Variants in CFAP74 observed in about 807,000 individuals in gnomAD.
CFAP74 encodes the protein cilia- and flagella-associated protein 74.
In CFAP74, 124 loss-of-function variants were observed where a neutral mutation model predicts 188.9. The observed-to-expected ratio is 0.66, with a 90% confidence interval of 0.57 to 0.76. The LOEUF (loss-of-function observed/expected upper bound fraction) is 0.76. Ranked by LOEUF, CFAP74 falls within the 30% of genes least tolerant of loss-of-function variation. CFAP74 has a pLI of 0.00. For missense variants in CFAP74, 2,198 were observed against 2,165.2 expected (o/e 1.02, Z -0.30); for synonymous variants, 956 against 916.7 (o/e 1.04, Z -0.77).
At chr1:2,001,386 G>A (rs1030345802) in intron 1 of CFAP74, among the ~76,000 whole-genome samples, 4 of 151,546 alleles carry the variant, frequency 2.6e-5, no homozygotes, top group African/African-American at 9.7e-5. Context: ...CTGGAGTGCA[G>A]TGGCGCAGGG....
At chr1:1,961,549 G>A (rs115402077) in intron 14 of CFAP74, among the ~76,000 whole-genome samples, 3 of 152,222 alleles carry the variant, frequency 2.0e-5, no homozygotes, top group East Asian at 1.9e-4. Flanking sequence ...GGAATGCCTC[G>A]GTGGCTGAGA....
chr1:1,927,828 T>C, intron 27 of CFAP74, 82 bp from the exon 28 acceptor site: 2 of 1,445,398 alleles, frequency 1.4e-6, no homozygotes, highest in Non-Finnish European at 1.8e-6. Flanking sequence ...CTGCGGCCAG[T>C]GCGGGAACCG....
chr1:1,985,217 G>A, intron 6 of CFAP74, 169 bp downstream of exon 6: 1 of 567,488 alleles, frequency 1.8e-6, no homozygotes, highest in Non-Finnish European at 3.2e-6. Context: ...AAGGCAACGT[G>A]AAGACTAACC....
chr1:2,000,108 G>A (rs1658134348), intron 1 of CFAP74, among the ~76,000 whole-genome samples: 1 of 152,050 alleles, frequency 6.6e-6, no homozygotes. Context: ...AGGTTGCAGT[G>A]AGCTGAGATC....
intron 25 of CFAP74, among the ~76,000 whole-genome samples, chr1:1,931,503 G>A (rs867292759): frequency 1.1e-4 from 16 of 146,088 alleles, no homozygotes; most frequent in African/African-American, 3.8e-4. Context: ...TTAGGAGTCC[G>A]AGGCGGGCGG....
Position 1,944,363 on chromosome 1 carries a change from C to T in CFAP74, c.2454G>A (p.Arg818=). The change falls in exon 21 of 39, where the codon CGG becomes CGA. Residue 818 remains arginine (R), a synonymous_variant. Coordinates refer to ENST00000682832, the MANE Select transcript of CFAP74 (RefSeq NM_001304360.2). ...SVDLKICMYD[R]LYQDSVLVHT... ...GCACGAGCACAGAGTCCTGGTAGAG[C>T]CGGTCATACATGCAGATCTTCAGGT... 2 of 1,535,976 alleles carry T rather than the reference C, an allele frequency of 1.3e-6. No individual in the cohort carries two copies. Among genetic ancestry groups the T allele is most frequent in the Non-Finnish European group, 1.7e-6 (2 of 1,146,874 alleles).
In CFAP74 at chr1:1,923,753, G is replaced by C. The variant is rs1197943866; in HGVS notation, c.4389+22C>G. ...TGGGGCCAGGGCCGGGCCGGGCTGA[G>C]CTTGCAGAGCCAGAGCCGCACCTTT... On this transcript the variant is annotated intron_variant, in intron 35 of 38. Coordinates refer to ENST00000682832, the MANE Select transcript of CFAP74 (RefSeq NM_001304360.2). The surrounding 1 kb of genome is among the most constrained non-coding windows in gnomAD (Gnocchi z 6.3). The C allele has an allele frequency of 6.2e-7, 1 of 1,613,112 alleles. No homozygotes were observed.
chr1:1,963,667 C>T, intron 14 of CFAP74, 82 bp downstream of exon 14: 1 of 863,652 alleles, frequency 1.2e-6, no homozygotes, highest in Non-Finnish European at 1.9e-6. Context: ...GAGCCTGTTC[C>T]AGCCGTTCTG....
rs1404311228 is a variant in CFAP74, at chr1:1,971,106, TGTGCACACACATGCTCACAC to T, written c.889-310_889-291del. Among the ~76,000 whole-genome samples the T allele has an allele frequency of 5.6e-3, 694 of 123,918 alleles. 22 individuals are homozygous for T. The East Asian group carries it at 0.1, about 18-fold the overall frequency. 81.3% of individuals were successfully genotyped at this position (123,918 alleles called of 152,430 possible). A position where few individuals can be genotyped will look rare whatever the true frequency, so the allele number is the denominator to read the frequency against. On this transcript the variant is annotated intron_variant, in intron 9 of 38. Coordinates refer to ENST00000682832, the MANE Select transcript of CFAP74 (RefSeq NM_001304360.2). ...ACTCATACATGCACACCTGCACACG[TGTGCACACACATGCTCACAC>T]GTGCACACACATGCTCGCACATGCA... is the stretch of plus-strand genomic sequence containing the variant.
chr1:1,971,342 TGCA>T (rs1323684638), intron 9 of CFAP74, among the ~76,000 whole-genome samples: 1 of 143,352 alleles, frequency 7.0e-6, no homozygotes, highest in East Asian at 2.2e-4. Context: ...TGCACACACG[TGCA>T]CACACATGCA....
chr1:1,959,951 C>T lies in CFAP74; in HGVS notation c.1761+13G>A. The T allele has an allele frequency of 6.3e-7, 1 of 1,580,026 alleles. No individual in the cohort carries two copies. The highest frequency in any genetic ancestry group is 1.1e-5 in the South Asian group (1 of 87,848). On this transcript the variant is annotated intron_variant, in intron 15 of 38. Coordinates refer to ENST00000682832, the MANE Select transcript of CFAP74 (RefSeq NM_001304360.2). ...ACCTCCCCTTCGAGAGAGAACGGGCCCCTCTGACTCACCATCGGCTTGAAG... is the reference window on the plus strand; with the variant it reads ...ACCTCCCCTTCGAGAGAGAACGGGCTCCTCTGACTCACCATCGGCTTGAAG...
intron 18 of CFAP74, among the ~76,000 whole-genome samples, chr1:1,951,291 T>C (rs1360394306): frequency 6.6e-6 from 1 of 152,164 alleles, no homozygotes; most frequent in African/African-American, 2.4e-5. Flanking sequence ...ATTCAATCAC[T>C]TTCCTCTCTC....
At chr1:1,945,232 G>A (rs1450424052) in intron 20 of CFAP74, among the ~76,000 whole-genome samples, 3 of 152,076 alleles carry the variant, frequency 2.0e-5, no homozygotes, top group Admixed American at 6.5e-5. Flanking sequence ...GCTTGAACCC[G>A]GGAGGCAGAG....
At chr1:1,990,834 G>A in intron 2 of CFAP74, 56 bp downstream of exon 2, 1 of 1,376,964 alleles carries the variant, frequency 7.3e-7, no homozygotes. Context: ...TATGAAGCAT[G>A]TCATTTGTTT....
rs1363012433 is a variant in CFAP74 at position 1,968,827 on chromosome 1, A to G, written c.1053T>C (p.Phe351=). 1.2e-6 allele frequency: 2 copies of G among 1,613,876 alleles called. No homozygotes were observed. The highest frequency in any genetic ancestry group is 4.5e-5 in the East Asian group (2 of 44,860). Reference sequence around the variant, plus strand: ...GCTTTCTGAGCTTCTGCTCCTCCTCAAAGGCCCTGCGTGGAGTCGCTTCTC... The same window carrying G: ...GCTTTCTGAGCTTCTGCTCCTCCTCGAAGGCCCTGCGTGGAGTCGCTTCTC... ...RQELEAQKRA[F]EEEQKLRKQE... is the part of the protein sequence containing the mutation. The change falls in exon 11 of 39, where the codon TTT becomes TTC. Residue 351 remains phenylalanine (F), a synonymous_variant. Transcript: ENST00000682832. The surrounding 1 kb of genome is among the most constrained non-coding windows in gnomAD (Gnocchi z 4.3).
chr1:1,947,045 C>G lies in CFAP74; in HGVS notation c.2186G>C (p.Arg729Thr). 2 of 1,535,926 alleles carry G rather than the reference C, an allele frequency of 1.3e-6. No homozygotes were observed. The highest frequency in any genetic ancestry group is 1.7e-6 in the Non-Finnish European group (2 of 1,146,696). The part of the protein sequence containing the change: ...QEEEQPAEPE[R>T]LTTVIPPSEE... ...GCTGGGAGGTATCACTGTGGTTAAT[C>G]TCTCTGGTTCTGGAAGAGAAGGGGG... Residue 729 changes from arginine to threonine, a missense_variant, in exon 19 of 39, where the codon AGA becomes ACA. Arg to Thr is a moderately conservative substitution (Grantham distance 71). Coordinates refer to ENST00000682832, the MANE Select transcript of CFAP74 (RefSeq NM_001304360.2).
At chr1:1,927,055 C>G in intron 28 of CFAP74, 27 bp from the exon 29 acceptor site, 2 of 1,549,680 alleles carry the variant, frequency 1.3e-6, no homozygotes, top group Non-Finnish European at 1.7e-6. Flanking sequence ...GGCTTGCGCT[C>G]CCGCCTTGCC....
At position 1,975,424 on chromosome 1, in the gene CFAP74, G is replaced by A. The variant is rs543632434; in HGVS notation, c.501-1226C>T. Among the ~76,000 whole-genome samples the A allele has an allele frequency of 1.1e-4, 17 of 152,294 alleles. No individual in the cohort carries two copies. The highest frequency in any genetic ancestry group is 1.0e-3 in the South Asian group (5 of 4,824). ...GGAGGTGTGTCTGCGTGTCTCACAC[G>A]TGGCTGGATTTCAATGTTGAATGTT... On this transcript the variant is annotated intron_variant, in intron 6 of 38. Transcript: ENST00000682832. The surrounding 1 kb of genome is among the most constrained non-coding windows in gnomAD (Gnocchi z 4.5).
chr1:1,941,963 GGAGC>G, intron 22 of CFAP74, 61 bp downstream of exon 22: 1 of 1,393,402 alleles, frequency 7.2e-7, no homozygotes, highest in African/African-American at 1.4e-5. Flanking sequence ...CCAGTGGCGA[GGAGC>G]GCCTCGGAGC....
Sources: allele counts gnomAD v4.1 joint callset (sites outside exome capture counted in the v4.1 genomes callset), GRCh38; gene constraint gnomAD v4.1.1; non-coding constraint Gnocchi (gnomAD v3.1); transcripts MANE v1.5; gene names NCBI Gene and HGNC (gene_info 2026-07-23, HGNC 2026-07-21).